The following PCDH15 variants were observed in gnomAD, a reference collection of about 807,000 sequenced individuals.
The protein encoded by PCDH15 is protocadherin-15.
A neutral mutation model predicts 178.5 loss-of-function variants in PCDH15; 129 were observed. The ratio of observed to expected loss-of-function variants is 0.72; its 90% CI spans 0.63 to 0.84. PCDH15 has a LOEUF of 0.84. PCDH15 is among the 40% of genes least tolerant of loss of function. The pLI, the probability that PCDH15 is intolerant of heterozygous loss-of-function variation, is 0.00. For synonymous variants in PCDH15, 800 were observed against 732.0 expected, an observed-to-expected ratio of 1.09 and a Z score of -1.50; for missense variants, 2,230 against 2,099.9, an observed-to-expected ratio of 1.06 and a Z score of -1.21.
intron 8 of PCDH15, among the ~76,000 whole-genome samples, chr10:54,249,677 T>C (rs914188628): frequency 2.6e-5 from 4 of 152,164 alleles, no homozygotes; most frequent in African/African-American, 9.6e-5. Context: ...AATATTTCCC[T>C]TTCCTTTTGG....
At chr10:55,440,070 G>GTT (rs1839143560) in intron 2 of PCDH15, among the ~76,000 whole-genome samples, 1 of 152,066 alleles carries the variant, frequency 6.6e-6, no homozygotes, top group African/African-American at 2.4e-5. Context: ...ACTTGACGCT[G>GTT]TTATATAAAA....
intron 3 of PCDH15, among the ~76,000 whole-genome samples, chr10:54,421,523 T>C (rs1365469257): frequency 1.9e-5 from 2 of 103,566 alleles, no homozygotes; most frequent in Non-Finnish European, 4.8e-5. Flanking sequence ...ATAGTTTATA[T>C]TATAATAAAA....
chr10:55,425,326 T>A (rs1838725726), intron 2 of PCDH15, among the ~76,000 whole-genome samples: 1 of 151,930 alleles, frequency 6.6e-6, no homozygotes, highest in Non-Finnish European at 1.5e-5. Context: ...TTCTCCAAAT[T>A]AAAAGTCATG....
intron 14 of PCDH15, among the ~76,000 whole-genome samples, chr10:54,146,102 C>A (rs12261458): frequency 0.016 from 2,398 of 151,694 alleles, 78 homozygotes; most frequent in African/African-American, 0.055. Context: ...GGAACTTAGA[C>A]AATTTTTATA....
At chr10:54,161,547 G>C (rs1281716254) in intron 13 of PCDH15, among the ~76,000 whole-genome samples, 2 of 151,712 alleles carry the variant, frequency 1.3e-5, no homozygotes, top group African/African-American at 2.4e-5. Context: ...TCATGGAACT[G>C]ATGTTTACTG....
chr10:54,219,201 G>A (rs1238061375), intron 9 of PCDH15, among the ~76,000 whole-genome samples: 1 of 150,010 alleles, frequency 6.7e-6, no homozygotes, highest in African/African-American at 2.5e-5. Context: ...CGTGAACCAA[G>A]GAGGCTGAGC....
intron 2 of PCDH15, among the ~76,000 whole-genome samples, chr10:54,624,546 G>T (rs2093484003): frequency 6.6e-6 from 1 of 152,190 alleles, no homozygotes; most frequent in Admixed American, 6.5e-5. Context: ...GCAGAAGGCT[G>T]TTTAAATGCT....
intron 13 of PCDH15, among the ~76,000 whole-genome samples, chr10:54,155,470 C>T (rs1217377679): frequency 6.6e-6 from 1 of 151,944 alleles, no homozygotes; most frequent in Non-Finnish European, 1.5e-5. Flanking sequence ...TTTAAGTTAC[C>T]TAGATAACAC....
At chr10:54,507,364 T>C (rs1409812919) in intron 3 of PCDH15, among the ~76,000 whole-genome samples, 1 of 151,662 alleles carries the variant, frequency 6.6e-6, no homozygotes, top group African/African-American at 2.4e-5. Flanking sequence ...TATATATATA[T>C]GCACATCTCA....
At chr10:54,059,079 G>A (rs1300717160) in intron 18 of PCDH15, among the ~76,000 whole-genome samples, 2 of 152,066 alleles carry the variant, frequency 1.3e-5, no homozygotes, top group East Asian at 3.9e-4. Flanking sequence ...TCAGCCTCTG[G>A]TATCTATCAG....
At chr10:54,438,451 C>T (rs192645826) in intron 3 of PCDH15, among the ~76,000 whole-genome samples, 1 of 152,008 alleles carries the variant, frequency 6.6e-6, no homozygotes, top group East Asian at 1.9e-4. Flanking sequence ...CAGCGGATAC[C>T]TGAAGCCTCT....
chr10:54,672,871 A>C (rs2094701623), intron 1 of PCDH15, among the ~76,000 whole-genome samples: 1 of 152,212 alleles, frequency 6.6e-6, no homozygotes, highest in Admixed American at 6.5e-5. Context: ...CCATTACCAT[A>C]GCTTGGTAGG....
intron 2 of PCDH15, among the ~76,000 whole-genome samples, chr10:54,918,614 C>G (rs747746890): frequency 6.6e-6 from 1 of 152,092 alleles, no homozygotes; most frequent in Non-Finnish European, 1.5e-5. Context: ...GGTAATTGCA[C>G]TAACACCAGC....
At chr10:55,062,313 A>G (rs755836724) in intron 2 of PCDH15, among the ~76,000 whole-genome samples, 5 of 152,200 alleles carry the variant, frequency 3.3e-5, no homozygotes, top group Admixed American at 6.5e-5. Context: ...TCCCACTGAC[A>G]TCAAATCTGC....
intron 2 of PCDH15, among the ~76,000 whole-genome samples, chr10:55,090,912 C>CT (rs35726018): frequency 0.41 from 62,272 of 151,414 alleles, 16,070 homozygotes; most frequent in African/African-American, 0.74. Context: ...TGTACTATTT[C>CT]TTTTTTTTGG....
chr10:55,590,303 G>T (rs1378035053), intron 2 of PCDH15, among the ~76,000 whole-genome samples: 3 of 139,432 alleles, frequency 2.2e-5, no homozygotes, highest in Admixed American at 7.3e-5. Flanking sequence ...TCACACTCTG[G>T]GGACTGTTGT....
At chr10:54,968,621 T>C (rs1948881404) in intron 2 of PCDH15, among the ~76,000 whole-genome samples, 1 of 152,160 alleles carries the variant, frequency 6.6e-6, no homozygotes, top group Non-Finnish European at 1.5e-5. Context: ...GTTTTCTTCA[T>C]GTTTTTCTCA....
intron 2 of PCDH15, among the ~76,000 whole-genome samples, chr10:55,140,670 ATAT>A (rs1838326465): frequency 1.3e-5 from 2 of 152,050 alleles, no homozygotes; most frequent in Non-Finnish European, 1.5e-5. Context: ...TTTCTGGAAG[ATAT>A]TATGGACAAT....
At chr10:54,427,442 C>T (rs1485174220) in intron 3 of PCDH15, among the ~76,000 whole-genome samples, 2 of 151,636 alleles carry the variant, frequency 1.3e-5, no homozygotes, top group Non-Finnish European at 2.9e-5. Flanking sequence ...TCACATCCGG[C>T]TAACTTTGTA....
Sources: allele counts gnomAD v4.1 joint callset (sites outside exome capture counted in the v4.1 genomes callset), GRCh38; gene constraint gnomAD v4.1.1; transcripts MANE v1.5; gene names NCBI Gene and HGNC (gene_info 2026-07-23, HGNC 2026-07-21).